ENOX1: variants seen among roughly 807,000 people sequenced by gnomAD.
The protein encoded by ENOX1 is candidate growth-related and time keeping constitutive hydroquinone (NADH) oxidase.
ENOX1 carries 42 observed loss-of-function variants against 82.5 expected under a neutral mutation model. That is an observed-to-expected ratio of 0.51 (90% CI 0.40 to 0.66). The LOEUF is 0.66. Among genes scored for constraint, ENOX1 ranks in the 30% least tolerant of loss-of-function variants. The pLI, the probability that ENOX1 is intolerant of heterozygous loss-of-function variation, is 0.00. For synonymous variants in ENOX1, 271 were observed against 282.2 expected, an observed-to-expected ratio of 0.96 and a Z score of 0.40; for missense variants, 608 against 811.6, an observed-to-expected ratio of 0.75 and a Z score of 3.05.
chr13:43,718,274 C>T (rs1409190907), intron 1 of ENOX1, among the ~76,000 whole-genome samples: 1 of 152,062 alleles, frequency 6.6e-6, no homozygotes, highest in African/African-American at 2.4e-5. Context: ...CTAATTAATG[C>T]AACAGAAAAC....
At chr13:43,711,791 GT>G (rs2087737254) in intron 1 of ENOX1, among the ~76,000 whole-genome samples, 1 of 151,150 alleles carries the variant, frequency 6.6e-6, no homozygotes, top group South Asian at 2.1e-4. Context: ...TTGTAAATTT[GT>G]TGGAGTTCAT....
At chr13:43,502,972 G>A (rs2077034098) in intron 2 of ENOX1, among the ~76,000 whole-genome samples, 1 of 151,476 alleles carries the variant, frequency 6.6e-6, no homozygotes. Flanking sequence ...AAAACTCTAA[G>A]AAGTCCATAC....
intron 1 of ENOX1, among the ~76,000 whole-genome samples, chr13:43,771,019 G>C (rs1951563566): frequency 6.6e-6 from 1 of 152,078 alleles, no homozygotes; most frequent in East Asian, 1.9e-4. Flanking sequence ...AAAATTCCAT[G>C]ATGAAGCAAT....
intron 12 of ENOX1, among the ~76,000 whole-genome samples, chr13:43,272,091 G>T (rs140894507): frequency 7.9e-5 from 12 of 152,106 alleles, no homozygotes; most frequent in African/African-American, 2.6e-4. Flanking sequence ...TACTGAGCTT[G>T]ATTTATTATT....
chr13:43,607,484 T>A (rs1054936743), intron 2 of ENOX1, among the ~76,000 whole-genome samples: 1 of 152,170 alleles, frequency 6.6e-6, no homozygotes, highest in African/African-American at 2.4e-5. Flanking sequence ...AGTTAACACA[T>A]TCATGGGAGC....
intron 1 of ENOX1, among the ~76,000 whole-genome samples, chr13:43,678,717 T>C (rs963193479): frequency 6.6e-6 from 1 of 152,146 alleles, no homozygotes; most frequent in Non-Finnish European, 1.5e-5. Flanking sequence ...CACTCAGAAC[T>C]GCTGTGAGGC....
chr13:43,309,806 C>T (rs1478914888), intron 11 of ENOX1, among the ~76,000 whole-genome samples: 2 of 146,024 alleles, frequency 1.4e-5, no homozygotes. Context: ...TCTCACATCC[C>T]CACAAAAAAA....
At chr13:43,292,473 C>T (rs2046052414) in intron 12 of ENOX1, among the ~76,000 whole-genome samples, 1 of 151,990 alleles carries the variant, frequency 6.6e-6, no homozygotes, top group Non-Finnish European at 1.5e-5. Flanking sequence ...AAAAGGAAAG[C>T]CTCCTGTCAC....
At chr13:43,640,908 G>A (rs970385153) in intron 2 of ENOX1, among the ~76,000 whole-genome samples, 7 of 37,096 alleles carry the variant, frequency 1.9e-4, no homozygotes, top group Admixed American at 1.7e-3. Flanking sequence ...ACACACACAC[G>A]CACGCACACA....
intron 3 of ENOX1, among the ~76,000 whole-genome samples, chr13:43,444,832 G>A (rs2056539192): frequency 6.6e-6 from 1 of 152,146 alleles, no homozygotes; most frequent in South Asian, 2.1e-4. Flanking sequence ...ATTATTCTCT[G>A]TATAAAAGAA....
At chr13:43,423,884 T>C (rs1049728182) in intron 3 of ENOX1, among the ~76,000 whole-genome samples, 1 of 152,192 alleles carries the variant, frequency 6.6e-6, no homozygotes, top group Non-Finnish European at 1.5e-5. Flanking sequence ...TTCTAAAAGT[T>C]CTAAAGAGTA....
At chr13:43,654,572 T>G (rs1209999428) in intron 2 of ENOX1, among the ~76,000 whole-genome samples, 1 of 152,208 alleles carries the variant, frequency 6.6e-6, no homozygotes, top group Non-Finnish European at 1.5e-5. Flanking sequence ...TGATCTTGAT[T>G]GCAATGTAAA....
intron 1 of ENOX1, among the ~76,000 whole-genome samples, chr13:43,718,531 T>A (rs1354384087): frequency 1.3e-5 from 2 of 151,840 alleles, no homozygotes; most frequent in Admixed American, 1.3e-4. Context: ...CTTTCATCTA[T>A]AATAAAAATT....
chr13:43,368,879 A>AAGTTACACAGCT (rs1199793272), intron 5 of ENOX1, among the ~76,000 whole-genome samples: 15 of 152,198 alleles, frequency 9.9e-5, no homozygotes, highest in Admixed American at 9.8e-4. Flanking sequence ...GATTTGCCCA[A>AAGTTACACAGCT]AGTTACACAG....
At chr13:43,325,009 A>G (rs1437238587) in intron 10 of ENOX1, among the ~76,000 whole-genome samples, 1 of 152,210 alleles carries the variant, frequency 6.6e-6, no homozygotes, top group Admixed American at 6.5e-5. Context: ...TAAATAATTC[A>G]CAGACTGATC....
intron 15 of ENOX1, among the ~76,000 whole-genome samples, chr13:43,225,057 G>A (rs2325031): frequency 0.8 from 121,598 of 152,174 alleles, 48,960 homozygotes; most frequent in South Asian, 0.88. Context: ...TAAAGAAAAC[G>A]TGGTATGAAC....
At chr13:43,366,061 T>G (rs1385469389) in intron 5 of ENOX1, among the ~76,000 whole-genome samples, 1 of 152,248 alleles carries the variant, frequency 6.6e-6, no homozygotes, top group Non-Finnish European at 1.5e-5. Context: ...GTGGAGAAAC[T>G]TTTTCAGAAG....
At chr13:43,343,711 T>C (rs1266945600) in intron 9 of ENOX1, among the ~76,000 whole-genome samples, 1 of 152,176 alleles carries the variant, frequency 6.6e-6, no homozygotes, top group Non-Finnish European at 1.5e-5. Context: ...CATATGTCAC[T>C]ACCACATAGG....
intron 5 of ENOX1, among the ~76,000 whole-genome samples, chr13:43,403,272 A>C (rs2053598927): frequency 6.6e-6 from 1 of 152,098 alleles, no homozygotes; most frequent in South Asian, 2.1e-4. Context: ...ATAGGATGAA[A>C]AAATTTTTAT....
Sources: gnomAD v4.1 joint callset for allele counts (sites outside exome capture counted in the v4.1 genomes callset) on GRCh38, gnomAD v4.1.1 for gene constraint, MANE v1.5 for transcripts, NCBI Gene and HGNC (gene_info 2026-07-23, HGNC 2026-07-21) for gene names.